Variants in PDIA6 observed in about 807,000 individuals in gnomAD.
PDIA6 encodes the protein protein disulfide isomerase family A member 6.
PDIA6 carries 29 observed loss-of-function variants against 58.4 expected under a neutral mutation model. That is an observed-to-expected ratio of 0.50 (90% confidence interval 0.37 to 0.68). The LOEUF (loss-of-function observed/expected upper bound fraction) is 0.68, where lower values mean the gene tolerates loss of function less well. PDIA6 is among the 30% of genes least tolerant of loss of function. The probability of loss-of-function intolerance (pLI) is 0.00; values close to 1 mark genes in which losing one functional copy is unlikely to be tolerated. For synonymous variants in PDIA6, 192 were observed against 202.6 expected (o/e 0.95, Z 0.44); for missense variants, 480 against 551.0 (o/e 0.87, Z 1.29).
intron 4 of PDIA6, among the ~76,000 whole-genome samples, chr2:10,795,208 T>C (rs1666215208): frequency 6.6e-6 from 1 of 152,232 alleles, no homozygotes; most frequent in Non-Finnish European, 1.5e-5. Context: ...TACTGTCTAT[T>C]GCAACTACTC....
At chr2:10,804,934 AT>A (rs1666670181) in intron 1 of PDIA6, among the ~76,000 whole-genome samples, 1 of 114,038 alleles carries the variant, frequency 8.8e-6, no homozygotes, top group South Asian at 3.3e-4. Flanking sequence ...CTTTGAAGCA[AT>A]TGTGAATGGG....
chr2:10,831,312 C>T (rs780208072), intron 1 of PDIA6, among the ~76,000 whole-genome samples: 6 of 152,320 alleles, frequency 3.9e-5, no homozygotes, highest in East Asian at 1.9e-4. Flanking sequence ...TCTCTTGACT[C>T]GGGGAAACGC....
At chr2:10,813,017 C>T (rs571722885), upstream of PDIA6, among the ~76,000 whole-genome samples, 4 of 152,186 alleles carry the variant, frequency 2.6e-5, no homozygotes, top group East Asian at 3.9e-4. Flanking sequence ...CTCGCACCGC[C>T]TCAGCTCCTC....
intron 8 of PDIA6, 123 bp downstream of exon 8, chr2:10,789,626 T>C (rs1558439857): frequency 1.2e-6 from 1 of 852,642 alleles, no homozygotes; most frequent in Non-Finnish European, 1.8e-6. Context: ...TTTCAAAGTA[T>C]AGAAACCACT....
upstream of PDIA6, among the ~76,000 whole-genome samples, chr2:10,833,451 C>T (rs1667757572): frequency 6.6e-6 from 1 of 152,198 alleles, no homozygotes; most frequent in Admixed American, 6.5e-5. Flanking sequence ...GGTTTTCAGT[C>T]CATCACCACA....
chr2:10,827,133 G>A (rs895552283), intron 1 of PDIA6, among the ~76,000 whole-genome samples: 17 of 152,108 alleles, frequency 1.1e-4, no homozygotes, highest in African/African-American at 3.9e-4. Context: ...GCACAGTCTC[G>A]GCTCACTGCA....
intron 1 of PDIA6, among the ~76,000 whole-genome samples, chr2:10,811,990 C>T (rs1466092915): frequency 6.6e-6 from 1 of 152,126 alleles, no homozygotes; most frequent in Middle Eastern, 3.2e-3. Context: ...CTCACTGCAA[C>T]CTCCGCCTCC....
In PDIA6 at chr2:10,793,326, G is replaced by A. The variant is rs577470256; in HGVS notation, c.347-124C>T. ...ACCAGGTGTGACACAGTTCTGACAC[G>A]TGTATCTCTGACAGAACACACTTTC... is the stretch of plus-strand genomic sequence containing the variant. On this transcript the variant is annotated intron_variant, in intron 4 of 12. Transcript: ENST00000272227. The A allele has an allele frequency of 7.0e-5, 45 of 645,160 alleles. No individual in the cohort carries two copies. In the South Asian group the frequency reaches 7.1e-4, roughly 10 times the overall value. 40.0% of individuals were successfully genotyped at this position (645,160 alleles called of 1,614,324 possible).
intron 2 of PDIA6, among the ~76,000 whole-genome samples, chr2:10,799,251 C>T (rs972483415): frequency 1.3e-5 from 2 of 152,156 alleles, no homozygotes; most frequent in Non-Finnish European, 2.9e-5. Context: ...CATAGTTTAT[C>T]CATTGGTGAT....
chr2:10,790,706 TA>T lies in PDIA6; in HGVS notation c.699+12del, dbSNP rs1210557924. ...GTATTTCACAATGAAATGAGCCTTA[TA>T]AGTATACTCACCCCGTATCGGGAGG... On this transcript the variant is annotated intron_variant, in intron 7 of 12. Transcript: ENST00000272227. 6.4e-7 allele frequency: 1 copy of T among 1,567,114 alleles called. No homozygotes were observed. Among genetic ancestry groups the T allele is most frequent in the Non-Finnish European group, 8.8e-7 (1 of 1,137,256 alleles).
chr2:10,788,023 G>A (rs1338584341), intron 10 of PDIA6, among the ~76,000 whole-genome samples: 3 of 140,264 alleles, frequency 2.1e-5, no homozygotes, highest in Admixed American at 1.6e-4. Flanking sequence ...CCGAGATTGT[G>A]CCACTGCACT....
intron 1 of PDIA6, among the ~76,000 whole-genome samples, chr2:10,812,213 C>A (rs1361032389): frequency 6.6e-6 from 1 of 152,008 alleles, no homozygotes; most frequent in African/African-American, 2.4e-5. Flanking sequence ...CCCGGCTTAA[C>A]ATTTCAGTTT....
At chr2:10,825,649 T>C (rs1252793981) in intron 1 of PDIA6, among the ~76,000 whole-genome samples, 4 of 152,116 alleles carry the variant, frequency 2.6e-5, no homozygotes, top group African/African-American at 9.7e-5. Flanking sequence ...AAAGAACCAA[T>C]TTAAAAATGC....
intron 4 of PDIA6, among the ~76,000 whole-genome samples, chr2:10,793,941 C>T (rs2148541910): frequency 6.6e-6 from 1 of 152,218 alleles, no homozygotes; most frequent in African/African-American, 2.4e-5. Context: ...TTGCTTGAAA[C>T]AGTTAAGCTG....
chr2:10,836,574 G>A (rs564527666), upstream of PDIA6, among the ~76,000 whole-genome samples: 2 of 146,964 alleles, frequency 1.4e-5, no homozygotes, highest in African/African-American at 2.5e-5. Flanking sequence ...GAGATCATTC[G>A]CATGCCATAG....
chr2:10,833,315 T>C (rs977593517), upstream of PDIA6, among the ~76,000 whole-genome samples: 3 of 152,088 alleles, frequency 2.0e-5, no homozygotes, highest in African/African-American at 7.2e-5. Context: ...CTCCTCCGGC[T>C]CCCGCAGTTG....
rs142283986 is a variant in PDIA6 at position 10,803,789 on chromosome 2, A to G, written c.20-1149T>C. On this transcript the variant is annotated intron_variant, in intron 1 of 12. Coordinates refer to ENST00000272227, the MANE Select transcript of PDIA6 (RefSeq NM_005742.4). Reference sequence around the variant, plus strand: ...CCACAGGGTCAAGGAGAGAACACATATATGAGGGTGGTCCTGTGGATTATA... The same window carrying G: ...CCACAGGGTCAAGGAGAGAACACATGTATGAGGGTGGTCCTGTGGATTATA... Among the ~76,000 whole-genome samples, 138 of 152,226 alleles carry G rather than the reference A, an allele frequency of 9.1e-4. 2 individuals carry two copies. The East Asian group carries it at 0.018, about 20-fold the overall frequency.
At chr2:10,815,104 GGAAATGCACAGGCTTCT>G (rs1490680205), upstream of PDIA6, among the ~76,000 whole-genome samples, 4 of 30,960 alleles carry the variant, frequency 1.3e-4, no homozygotes, top group East Asian at 3.0e-3. Flanking sequence ...ACAGGCTTCT[GGAAATGCACAGGCTTCT>G]GGAAATGCAC....
intron 1 of PDIA6, among the ~76,000 whole-genome samples, chr2:10,825,173 C>G (rs944659584): frequency 2.0e-5 from 3 of 152,198 alleles, no homozygotes; most frequent in African/African-American, 4.8e-5. Flanking sequence ...GACTGGCTCT[C>G]CTTACTCCTC....
Sources: gnomAD v4.1 joint callset for allele counts (sites outside exome capture counted in the v4.1 genomes callset) on GRCh38, gnomAD v4.1.1 for gene constraint, MANE v1.5 for transcripts, NCBI Gene and HGNC (gene_info 2026-07-23, HGNC 2026-07-21) for gene names.